TRDN: variants seen among roughly 807,000 people sequenced by gnomAD.
The protein encoded by TRDN is triadin in skeletal muscle.
In TRDN, 161 loss-of-function variants were observed where a neutral mutation model predicts 149.7. The ratio of observed to expected loss-of-function variants is 1.08; its 90% confidence interval spans 0.95 to 1.23. The LOEUF is 1.23. TRDN is among the 50% of genes most tolerant of loss of function. The pLI is 0.00. For missense variants in TRDN, 896 were observed against 823.5 expected (o/e 1.09, Z -1.08); for synonymous variants, 294 against 250.5 (o/e 1.17, Z -1.64).
intron 38 of TRDN, among the ~76,000 whole-genome samples, chr6:123,246,621 C>A (rs73549311): frequency 1.3e-5 from 2 of 151,388 alleles, no homozygotes; most frequent in Non-Finnish European, 2.9e-5. Flanking sequence ...AAAAGGCCCA[C>A]GAGCAGATGG....
chr6:123,346,149 T>C (rs1780238776), intron 21 of TRDN, among the ~76,000 whole-genome samples: 1 of 152,072 alleles, frequency 6.6e-6, no homozygotes, highest in East Asian at 1.9e-4. Context: ...TTAAATAGAA[T>C]GTTAGCTGTA....
chr6:123,473,795 T>A (rs1201655735), intron 9 of TRDN, among the ~76,000 whole-genome samples: 1 of 152,042 alleles, frequency 6.6e-6, no homozygotes, highest in Non-Finnish European at 1.5e-5. Flanking sequence ...ATATTCAACA[T>A]TCTTAAAGAA....
chr6:123,526,719 A>G (rs755890183), intron 5 of TRDN, among the ~76,000 whole-genome samples: 4 of 152,078 alleles, frequency 2.6e-5, no homozygotes, highest in Non-Finnish European at 1.5e-5. Flanking sequence ...GAAGGGAAAC[A>G]CAAATATAGA....
At chr6:123,498,940 A>G (rs1190372127) in intron 8 of TRDN, among the ~76,000 whole-genome samples, 1 of 152,156 alleles carries the variant, frequency 6.6e-6, no homozygotes, top group Non-Finnish European at 1.5e-5. Flanking sequence ...AGAAAGAGAG[A>G]GGAGTTGTCA....
chr6:123,386,013 T>G (rs1781894630), intron 14 of TRDN, among the ~76,000 whole-genome samples: 1 of 152,188 alleles, frequency 6.6e-6, no homozygotes, highest in South Asian at 2.1e-4. Flanking sequence ...GGTATTATAT[T>G]TATCTTGAGT....
intron 10 of TRDN, among the ~76,000 whole-genome samples, chr6:123,451,507 G>A (rs1002017495): frequency 6.6e-6 from 1 of 151,954 alleles, no homozygotes; most frequent in African/African-American, 2.4e-5. Flanking sequence ...TAGAAGAGAT[G>A]GATAAATTCC....
intron 1 of TRDN, among the ~76,000 whole-genome samples, chr6:123,615,087 T>C (rs1034200397): frequency 6.6e-6 from 1 of 152,010 alleles, no homozygotes; most frequent in Non-Finnish European, 1.5e-5. Context: ...GAAATGTAAA[T>C]GAACACCATA....
At chr6:123,541,467 C>T (rs1780831049) in intron 4 of TRDN, among the ~76,000 whole-genome samples, 1 of 152,146 alleles carries the variant, frequency 6.6e-6, no homozygotes, top group Non-Finnish European at 1.5e-5. Flanking sequence ...CCTTTGATCT[C>T]GCCCTCCTCA....
At chr6:123,602,440 G>C (rs534481858) in intron 1 of TRDN, among the ~76,000 whole-genome samples, 1 of 37,478 alleles carries the variant, frequency 2.7e-5, no homozygotes, top group Non-Finnish European at 8.9e-5. Flanking sequence ...AGGGTTGTAG[G>C]GGGGAACGAG....
intron 1 of TRDN, among the ~76,000 whole-genome samples, chr6:123,571,747 G>A (rs936978971): frequency 2.0e-5 from 3 of 151,480 alleles, no homozygotes; most frequent in Non-Finnish European, 4.4e-5. Context: ...ATATAAATAT[G>A]GTTTATCTGG....
chr6:123,259,746 G>T, intron 34 of TRDN, 84 bp from the exon 35 acceptor site: 1 of 983,642 alleles, frequency 1.0e-6, no homozygotes, highest in Non-Finnish European at 1.5e-6. Context: ...AGTTGGAGAT[G>T]AGACTTAATC....
intron 38 of TRDN, among the ~76,000 whole-genome samples, chr6:123,227,373 G>A (rs76514823): frequency 0.017 from 2,657 of 151,958 alleles, 73 homozygotes; most frequent in African/African-American, 0.06. Context: ...TTTGGAGAAA[G>A]ACAGTGGTGC....
chr6:123,273,093 A>T, intron 28 of TRDN, 82 bp from the exon 29 acceptor site: 1 of 913,846 alleles, frequency 1.1e-6, no homozygotes, highest in East Asian at 3.0e-5. Context: ...ATGTGCCCAT[A>T]GAGAAAAAAT....
At chr6:123,528,989 C>A in intron 5 of TRDN, 1 of 1,274,618 alleles carries the variant, frequency 7.8e-7, no homozygotes. Flanking sequence ...CAGCCAAATT[C>A]ACTGTCTTAA....
chr6:123,386,787 C>G (rs933174925), intron 14 of TRDN, among the ~76,000 whole-genome samples: 1 of 152,164 alleles, frequency 6.6e-6, no homozygotes, highest in Non-Finnish European at 1.5e-5. Flanking sequence ...TTATCTGGCC[C>G]CTTTTGTTTG....
intron 13 of TRDN, 87 bp downstream of exon 13, chr6:123,393,537 C>T: frequency 8.2e-7 from 1 of 1,220,386 alleles, no homozygotes. Flanking sequence ...TGGTGCTATT[C>T]TGCAATAAAC....
chr6:123,314,771 T>A (rs771886958), intron 24 of TRDN, among the ~76,000 whole-genome samples: 1 of 152,030 alleles, frequency 6.6e-6, no homozygotes, highest in African/African-American at 2.4e-5. Context: ...ATGTTCTCAC[T>A]TGTAAGCGGG....
At chr6:123,584,190 C>T (rs58516926) in intron 1 of TRDN, among the ~76,000 whole-genome samples, 31,208 of 151,832 alleles carry the variant, frequency 0.21, 4,037 homozygotes, top group East Asian at 0.5. Context: ...GAAGTCCGGG[C>T]CAGGAACAAT....
intron 20 of TRDN, 48 bp from the exon 21 acceptor site, chr6:123,352,634 TGCTTCTGCTC>T: frequency 6.4e-7 from 1 of 1,571,772 alleles, no homozygotes; most frequent in Admixed American, 2.0e-5. Context: ...ACAGAAATAC[TGCTTCTGCTC>T]AAAAAAAGCA....
Sources: gnomAD v4.1 joint callset for allele counts (sites outside exome capture counted in the v4.1 genomes callset) on GRCh38, gnomAD v4.1.1 for gene constraint, MANE v1.5 for transcripts, NCBI Gene and HGNC (gene_info 2026-07-23, HGNC 2026-07-21) for gene names.